Variants in USP49 observed in about 807,000 individuals in gnomAD.
USP49 encodes the protein ubiquitin specific peptidase 49, also known as ubiquitin carboxyl-terminal hydrolase 49.
Under a neutral mutation model 58.6 loss-of-function variants are expected in USP49, and 24 were observed. That is an observed-to-expected ratio of 0.41 (90% confidence interval 0.30 to 0.58). The LOEUF (loss-of-function observed/expected upper bound fraction) is 0.58. Ranked by LOEUF, USP49 falls within the 20% of genes least tolerant of loss-of-function variation. USP49 has a pLI of 0.30. For synonymous variants in USP49, 408 were observed against 365.1 expected, an observed-to-expected ratio of 1.12 and a Z score of -1.34; for missense variants, 703 against 866.1, an observed-to-expected ratio of 0.81 and a Z score of 2.36.
intron 5 of USP49, among the ~76,000 whole-genome samples, chr6:41,800,771 A>G (rs1772983222): frequency 6.6e-6 from 1 of 152,230 alleles, no homozygotes; most frequent in South Asian, 2.1e-4. Flanking sequence ...TTACTAAATG[A>G]TAGAGTATTT....
In USP49 at chr6:41,796,308, T is replaced by C. The variant is rs796644509; in HGVS notation, c.*225A>G. 1.1e-5 allele frequency: 5 copies of C among 473,130 alleles called. No individual in the cohort carries two copies. The highest frequency in any genetic ancestry group is 5.7e-5 in the African/African-American group (3 of 52,278). The allele number at this position is 473,130 out of a possible 1,614,324, so 29.3% of individuals were successfully genotyped here. A position where few individuals can be genotyped will look rare whatever the true frequency, so the allele number is the denominator to read the frequency against. ...GAAGCAACTGATGAAAGGATCTTCA[T>C]AGAAGTTACTTCTTTTGTTTTTAGG... On this transcript the variant is annotated 3_prime_UTR_variant, in exon 8 of 8. Transcript: ENST00000682992.
intron 7 of USP49, 28 bp downstream of exon 7, chr6:41,798,696 C>G (rs373836529): frequency 8.7e-6 from 14 of 1,613,670 alleles, no homozygotes; most frequent in African/African-American, 1.3e-5. Context: ...TTCCGTGTCC[C>G]CCACCCCACA....
chr6:41,885,505 G>T (rs1189276030), intron 2 of USP49, among the ~76,000 whole-genome samples: 1 of 152,116 alleles, frequency 6.6e-6, no homozygotes, highest in East Asian at 1.9e-4. Context: ...AGATTACTGA[G>T]TGTCAGCGCA....
chr6:41,841,031 A>C lies in USP49; in HGVS notation c.-29+30533T>G, dbSNP rs554082863. 2.5e-3 allele frequency among the ~76,000 whole-genome samples: 374 copies of C among 151,914 alleles called. 3 individuals are homozygous for C. The highest frequency in any genetic ancestry group is 8.6e-3 in the African/African-American group (355 of 41,454). Reference sequence around the variant, plus strand: ...CCTTGTTTCAAAAAAAAAAACAAAAAACAAAAAAAAACCTTTTTACTATCT... The same window carrying C: ...CCTTGTTTCAAAAAAAAAAACAAAACACAAAAAAAAACCTTTTTACTATCT... On this transcript the variant is annotated intron_variant, in intron 3 of 7. Coordinates refer to ENST00000682992, the MANE Select transcript of USP49 (RefSeq NM_001286554.2).
chr6:41,819,866 ACCAGGTTATAGGAAACATAGG>A (rs1423045513), intron 3 of USP49, among the ~76,000 whole-genome samples: 1 of 152,196 alleles, frequency 6.6e-6, no homozygotes, highest in Non-Finnish European at 1.5e-5. Flanking sequence ...GGATCTAACT[ACCAGGTTATAGGAAACATAGG>A]AGCCAAGAAC....
rs572660621 is a variant in USP49 at position 41,800,843 on chromosome 6, CTG to C, written c.1562-907_1562-906del. Among the ~76,000 whole-genome samples the C allele has an allele frequency of 1.2e-3, 176 of 152,254 alleles. 1 individual carries two copies. Among genetic ancestry groups the C allele is most frequent in the African/African-American group, 3.8e-3 (157 of 41,536 alleles). Reference sequence around the variant, plus strand: ...CATATTCAAACATTTAGAAAATAAACTGTTTTATATTTTTATGCTGTGCGTAG... The same window carrying C: ...CATATTCAAACATTTAGAAAATAAACTTTTATATTTTTATGCTGTGCGTAG... On this transcript the variant is annotated intron_variant, in intron 5 of 7. Transcript: ENST00000682992.
intron 2 of USP49, among the ~76,000 whole-genome samples, chr6:41,875,878 C>A (rs561421491): frequency 6.6e-6 from 1 of 151,940 alleles, no homozygotes; most frequent in East Asian, 1.9e-4. Flanking sequence ...ATTACAGGCA[C>A]GCACCACCAC....
chr6:41,841,148 T>C (rs1412462165), intron 3 of USP49, among the ~76,000 whole-genome samples: 1 of 152,206 alleles, frequency 6.6e-6, no homozygotes, highest in Non-Finnish European at 1.5e-5. Context: ...ACTCATTGTC[T>C]GTCTCCCAAA....
At chr6:41,870,193 C>A (rs1774390341) in intron 3 of USP49, among the ~76,000 whole-genome samples, 1 of 152,176 alleles carries the variant, frequency 6.6e-6, no homozygotes, top group South Asian at 2.1e-4. Context: ...GACATTATTT[C>A]AAGTTTTTTA....
At chr6:41,836,115 C>G (rs1341918659) in intron 3 of USP49, among the ~76,000 whole-genome samples, 3 of 151,870 alleles carry the variant, frequency 2.0e-5, no homozygotes, top group African/African-American at 7.3e-5. Flanking sequence ...AGTAAGAAAA[C>G]AGTTAACAGA....
chr6:41,882,640 C>T (rs961425212), intron 2 of USP49, among the ~76,000 whole-genome samples: 5 of 152,146 alleles, frequency 3.3e-5, no homozygotes, highest in Admixed American at 6.5e-5. Flanking sequence ...AAGGCAGCCA[C>T]GCGCAGTGGC....
chr6:41,883,910 G>T (rs1406632897), intron 2 of USP49, among the ~76,000 whole-genome samples: 1 of 152,114 alleles, frequency 6.6e-6, no homozygotes, highest in South Asian at 2.1e-4. Context: ...ACTGTTACTG[G>T]TATCATTGTT....
chr6:41,805,502 C>T, intron 4 of USP49, 126 bp downstream of exon 4: 1 of 1,045,478 alleles, frequency 9.6e-7, no homozygotes, highest in Non-Finnish European at 1.4e-6. Context: ...TAATGGCCAC[C>T]CTCCAAATTG....
In USP49 at chr6:41,881,026, G is replaced by A. The variant is rs116615571; in HGVS notation, c.-102-9389C>T. ...TGGCTCATTGCAACCTCTGTCTTCC[G>A]GATTCCACCAATTCTCCTGCCTCAG... On this transcript the variant is annotated intron_variant, in intron 2 of 7. Transcript: ENST00000682992. 1.4e-3 allele frequency among the ~76,000 whole-genome samples: 217 copies of A among 151,798 alleles called. 1 individual carries two copies. The highest frequency in any genetic ancestry group is 4.8e-3 in the African/African-American group (199 of 41,378).
Position 41,806,314 on chromosome 6 carries a change from A to G in USP49, c.670T>C (p.Ser224Pro). 2 of 1,568,350 alleles carry G rather than the reference A, an allele frequency of 1.3e-6. No individual in the cohort carries two copies. The highest frequency in any genetic ancestry group is 2.3e-5 in the South Asian group (2 of 86,810). Residue 224 changes from serine to proline, a missense_variant, in exon 4 of 8, where the codon TCG (serine) becomes CCG (proline). By Grantham distance (74) the Ser-to-Pro change is moderately conservative. Coordinates refer to ENST00000682992, the MANE Select transcript of USP49 (RefSeq NM_001286554.2). The surrounding 1 kb of genome is among the most constrained non-coding windows in gnomAD (Gnocchi z 5.9). ...HTPRDAGPAA[S>P]RPAALPTSRR... ...GAGGTAGGGAGGGCGGCGGGGCGCG[A>G]GGCAGCCGGGCCCGCGTCGCGGGGC...
chr6:41,865,298 G>T (rs1774293574), intron 3 of USP49, among the ~76,000 whole-genome samples: 1 of 152,084 alleles, frequency 6.6e-6, no homozygotes, highest in Non-Finnish European at 1.5e-5. Flanking sequence ...ACCCAACTTG[G>T]CCTCCCAAAG....
At chr6:41,822,033 T>G (rs73733036) in intron 3 of USP49, among the ~76,000 whole-genome samples, 3,653 of 152,146 alleles carry the variant, frequency 0.024, 127 homozygotes, top group African/African-American at 0.081. Flanking sequence ...ATGTGAAAAA[T>G]AGCACTTGGT....
At chr6:41,825,960 A>G (rs1023611363) in intron 3 of USP49, among the ~76,000 whole-genome samples, 3 of 152,234 alleles carry the variant, frequency 2.0e-5, no homozygotes, top group Non-Finnish European at 4.4e-5. Flanking sequence ...GAAACTTAAC[A>G]GAACTAATAA....
intron 4 of USP49, among the ~76,000 whole-genome samples, chr6:41,805,044 G>A (rs1773085749): frequency 6.6e-6 from 1 of 152,162 alleles, no homozygotes; most frequent in African/African-American, 2.4e-5. Flanking sequence ...CACCGTGCCC[G>A]GCACACCTGC....
Sources: allele counts gnomAD v4.1 joint callset (sites outside exome capture counted in the v4.1 genomes callset), GRCh38; gene constraint gnomAD v4.1.1; non-coding constraint Gnocchi (gnomAD v3.1); transcripts MANE v1.5; gene names NCBI Gene and HGNC (gene_info 2026-07-23, HGNC 2026-07-21).